The following GALNT18 variants were observed in gnomAD, a reference collection of about 807,000 sequenced individuals.
GALNT18 encodes the protein GalNAc-transferase 18.
In GALNT18, 44 loss-of-function variants were observed where a neutral mutation model predicts 69.5. That is an observed-to-expected ratio of 0.63 (90% CI 0.50 to 0.81). The LOEUF is 0.81. GALNT18 is among the 40% of genes least tolerant of loss of function. The pLI is 0.00. For synonymous variants in GALNT18, 364 were observed against 318.2 expected, an observed-to-expected ratio of 1.14 and a Z score of -1.53; for missense variants, 715 against 810.0, an observed-to-expected ratio of 0.88 and a Z score of 1.42.
In GALNT18 at chr11:11,602,641, G is replaced by A. The variant is rs923919548; in HGVS notation, c.235+18718C>T. The stretch of plus-strand genomic sequence containing the variant: ...GTATCTCATCAGGGCAATTTCCAGG[G>A]ACTTTAGATGGGTGTTGTTTAATAA... On this transcript the variant is annotated intron_variant, in intron 1 of 10. Transcript: ENST00000227756. The surrounding 1 kb of genome is among the most constrained non-coding windows in gnomAD (Gnocchi z 4.7). 1.3e-5 allele frequency among the ~76,000 whole-genome samples: 2 copies of A among 152,138 alleles called. No individual in the cohort carries two copies. The highest frequency in any genetic ancestry group is 4.1e-4 in the South Asian group (2 of 4,826).
chr11:11,319,278 G>C (rs1284751501), intron 9 of GALNT18, among the ~76,000 whole-genome samples: 1 of 152,156 alleles, frequency 6.6e-6, no homozygotes, highest in African/African-American at 2.4e-5. Flanking sequence ...AAGCTCAAAT[G>C]TTGCCCCATA....
rs958152807 is a variant in GALNT18 at position 11,541,081 on chromosome 11, TC to T, written c.235+80277del. 2.0e-5 allele frequency among the ~76,000 whole-genome samples: 3 copies of T among 152,186 alleles called. No homozygotes were observed. Among genetic ancestry groups the T allele is most frequent in the Non-Finnish European group, 2.9e-5 (2 of 68,030 alleles). On this transcript the variant is annotated intron_variant, in intron 1 of 10. Transcript: ENST00000227756. This position sits in a 1 kb window ranked among gnomAD's most constrained non-coding sequence, Gnocchi z 4.8. ...GGCAAACAATACACTTCCCTGCATG[TC>T]CCACATCCACTTCTCAGACCATAGT...
At chr11:11,431,636 C>T (rs1445084165) in intron 3 of GALNT18, among the ~76,000 whole-genome samples, 2 of 152,174 alleles carry the variant, frequency 1.3e-5, no homozygotes, top group African/African-American at 2.4e-5. Context: ...GATTTGCTTT[C>T]TCAGATTAAA....
chr11:11,521,530 G>A (rs1248612079), intron 1 of GALNT18, among the ~76,000 whole-genome samples: 1 of 152,130 alleles, frequency 6.6e-6, no homozygotes, highest in Non-Finnish European at 1.5e-5. Flanking sequence ...CAGGAGGTCA[G>A]AGAGAGTTCT....
At chr11:11,376,305 C>T (rs1373786433) in intron 5 of GALNT18, among the ~76,000 whole-genome samples, 1 of 152,122 alleles carries the variant, frequency 6.6e-6, no homozygotes, top group South Asian at 2.1e-4. Flanking sequence ...TCACTTGAAC[C>T]CAGGGGCCAG....
At chr11:11,310,745 A>G (rs993952638) in intron 9 of GALNT18, among the ~76,000 whole-genome samples, 2 of 152,208 alleles carry the variant, frequency 1.3e-5, no homozygotes, top group Admixed American at 1.3e-4. Flanking sequence ...CTACCCGGGC[A>G]GGGCTAATGC....
intron 1 of GALNT18, among the ~76,000 whole-genome samples, chr11:11,490,700 G>A (rs1173971335): frequency 3.3e-5 from 5 of 152,134 alleles, no homozygotes; most frequent in Admixed American, 2.0e-4. Flanking sequence ...TGACTTGTGC[G>A]TCAGAGACAG....
chr11:11,390,102 C>T (rs1258687137), intron 3 of GALNT18, among the ~76,000 whole-genome samples: 1 of 152,132 alleles, frequency 6.6e-6, no homozygotes, highest in Non-Finnish European at 1.5e-5. Context: ...AGTCTAAGCT[C>T]CTGTAAATGC....
At chr11:11,467,341 C>T (rs942152626) in intron 1 of GALNT18, among the ~76,000 whole-genome samples, 18 of 152,232 alleles carry the variant, frequency 1.2e-4, no homozygotes, top group African/African-American at 4.3e-4. Context: ...GCCACTGGTT[C>T]CGCTGCAGCT....
chr11:11,455,692 C>T (rs1264591840), intron 1 of GALNT18, among the ~76,000 whole-genome samples: 1 of 152,118 alleles, frequency 6.6e-6, no homozygotes, highest in Non-Finnish European at 1.5e-5. Context: ...GTGAAGACTG[C>T]GAGTCTGAAA....
At chr11:11,509,669 T>C (rs1857130801) in intron 1 of GALNT18, among the ~76,000 whole-genome samples, 1 of 152,236 alleles carries the variant, frequency 6.6e-6, no homozygotes, top group Non-Finnish European at 1.5e-5. Context: ...CATTTCTCCC[T>C]CAGCACATCT....
intron 6 of GALNT18, among the ~76,000 whole-genome samples, chr11:11,369,384 A>G (rs754074601): frequency 5.3e-5 from 8 of 152,128 alleles, no homozygotes; most frequent in Admixed American, 1.3e-4. Context: ...TTTTGACATC[A>G]TAACTCCAAT....
At chr11:11,352,406 A>G in intron 6 of GALNT18, 3 of 1,614,074 alleles carry the variant, frequency 1.9e-6, no homozygotes, top group Non-Finnish European at 2.5e-6. Flanking sequence ...ACTGATCATA[A>G]TTGTCACGTC....
At chr11:11,283,105 A>G (rs1304869018) in intron 10 of GALNT18, among the ~76,000 whole-genome samples, 1 of 152,096 alleles carries the variant, frequency 6.6e-6, no homozygotes, top group African/African-American at 2.4e-5. Flanking sequence ...GATGAGGTCC[A>G]AGAGGTGCGG....
chr11:11,569,586 T>A (rs1055591938), intron 1 of GALNT18, among the ~76,000 whole-genome samples: 1 of 152,176 alleles, frequency 6.6e-6, no homozygotes, highest in African/African-American at 2.4e-5. Context: ...GGACCCATAT[T>A]CTATCATAGG....
At chr11:11,279,397 G>T (rs1318688240) in intron 10 of GALNT18, among the ~76,000 whole-genome samples, 2 of 152,062 alleles carry the variant, frequency 1.3e-5, no homozygotes, top group Non-Finnish European at 2.9e-5. Context: ...ACCTACTATA[G>T]TTAACATATA....
At chr11:11,536,197 T>C (rs948534166) in intron 1 of GALNT18, among the ~76,000 whole-genome samples, 5 of 152,202 alleles carry the variant, frequency 3.3e-5, no homozygotes, top group Admixed American at 1.3e-4. Flanking sequence ...ATACTAATAA[T>C]AAAATATTTC....
At chr11:11,419,596 CAAAAAAAA>C (rs58012512) in intron 3 of GALNT18, among the ~76,000 whole-genome samples, 778 of 26,638 alleles carry the variant, frequency 0.029, 19 homozygotes, top group African/African-American at 0.071. Context: ...GATCCTGTCT[CAAAAAAAA>C]AAAAAAAAAA....
intron 6 of GALNT18, among the ~76,000 whole-genome samples, chr11:11,360,058 T>G (rs1225677397): frequency 2.0e-5 from 3 of 152,150 alleles, no homozygotes; most frequent in African/African-American, 7.2e-5. Context: ...TAGATAAACA[T>G]ATATATTAAG....
Sources: gnomAD v4.1 joint callset for allele counts (sites outside exome capture counted in the v4.1 genomes callset) on GRCh38, gnomAD v4.1.1 for gene constraint, Gnocchi (gnomAD v3.1) non-coding constraint, MANE v1.5 for transcripts, NCBI Gene and HGNC (gene_info 2026-07-23, HGNC 2026-07-21) for gene names.